Variants in NELL1 observed in about 807,000 individuals in gnomAD.
NELL1 encodes neural EGFL like 1.
NELL1 carries 76 observed loss-of-function variants against 107.4 expected under a neutral mutation model. That is an observed-to-expected ratio of 0.71 (90% CI 0.59 to 0.86). The LOEUF (loss-of-function observed/expected upper bound fraction) is 0.86. NELL1 is among the 40% of genes least tolerant of loss of function. The pLI is 0.00. For synonymous variants in NELL1, 353 were observed against 341.2 expected, an observed-to-expected ratio of 1.03 and a Z score of -0.38; for missense variants, 1,024 against 1,005.5, an observed-to-expected ratio of 1.02 and a Z score of -0.25.
intron 2 of NELL1, among the ~76,000 whole-genome samples, chr11:20,695,005 C>G (rs143768497): frequency 1.1e-3 from 169 of 152,174 alleles, no homozygotes; most frequent in East Asian, 4.1e-3. Context: ...AGAGAGCTTT[C>G]ACCTCCATTG....
intron 14 of NELL1, among the ~76,000 whole-genome samples, chr11:21,237,598 T>C (rs1442367414): frequency 6.6e-6 from 1 of 152,084 alleles, no homozygotes; most frequent in Non-Finnish European, 1.5e-5. Flanking sequence ...ATTGAACAAA[T>C]ATTGATTGTG....
intron 12 of NELL1, among the ~76,000 whole-genome samples, chr11:21,073,229 G>C (rs1854057107): frequency 6.6e-6 from 1 of 152,044 alleles, no homozygotes; most frequent in Non-Finnish European, 1.5e-5. Flanking sequence ...TAACCATCAT[G>C]GGTCATCTTT....
chr11:20,704,804 C>A (rs1854897014), intron 2 of NELL1, among the ~76,000 whole-genome samples: 1 of 151,704 alleles, frequency 6.6e-6, no homozygotes, highest in African/African-American at 2.4e-5. Flanking sequence ...GTTGAAAATT[C>A]TTTAAGAATG....
At chr11:20,966,249 C>CG (rs1851384867) in intron 12 of NELL1, among the ~76,000 whole-genome samples, 2 of 152,094 alleles carry the variant, frequency 1.3e-5, no homozygotes, top group Non-Finnish European at 2.9e-5. Flanking sequence ...GATTCATCAT[C>CG]ACAGGTGAAA....
Position 21,520,121 on chromosome 11 carries a change from T to C in NELL1, c.1646-14253T>C, listed in dbSNP as rs888922600. Among the ~76,000 whole-genome samples, 4 of 152,092 alleles carry C rather than the reference T, an allele frequency of 2.6e-5. No homozygotes were observed. The East Asian group carries it at 7.7e-4, about 29-fold the overall frequency. ...ACGCTGTCAAAGTAGCATGATTTCTTCCGCCAATACATCCATCTCACAATA... is the reference window on the plus strand; with the variant it reads ...ACGCTGTCAAAGTAGCATGATTTCTCCCGCCAATACATCCATCTCACAATA... On this transcript the variant is annotated intron_variant, in intron 15 of 19. Coordinates refer to ENST00000357134, the MANE Select transcript of NELL1 (RefSeq NM_006157.5).
intron 5 of NELL1, among the ~76,000 whole-genome samples, chr11:20,888,389 TTAGA>T (rs578179860): frequency 1.6e-3 from 237 of 151,568 alleles, no homozygotes; most frequent in Non-Finnish European, 2.7e-3. Context: ...AAGTGGCTTC[TTAGA>T]TAGCTGAGAT....
chr11:21,323,870 T>C (rs1189280127), intron 14 of NELL1, among the ~76,000 whole-genome samples: 1 of 152,136 alleles, frequency 6.6e-6, no homozygotes, highest in African/African-American at 2.4e-5. Context: ...CCTCACAGAA[T>C]CAGGGTTGAG....
chr11:21,484,352 A>T (rs947238498), intron 15 of NELL1, among the ~76,000 whole-genome samples: 51 of 151,994 alleles, frequency 3.4e-4, no homozygotes, highest in African/African-American at 1.1e-3. Flanking sequence ...CTTTTTAAAA[A>T]ATATTGACAT....
intron 12 of NELL1, among the ~76,000 whole-genome samples, chr11:21,070,377 TTAATC>T (rs1853981877): frequency 6.6e-6 from 1 of 152,094 alleles, no homozygotes; most frequent in African/African-American, 2.4e-5. Context: ...TGGATGAACT[TTAATC>T]TAGAGTTTTT....
At chr11:20,845,784 T>C (rs2134055133) in intron 3 of NELL1, among the ~76,000 whole-genome samples, 2 of 152,062 alleles carry the variant, frequency 1.3e-5, no homozygotes, top group East Asian at 1.9e-4. Context: ...TTTTTCACCC[T>C]TTTTTTGGGG....
intron 14 of NELL1, among the ~76,000 whole-genome samples, chr11:21,259,678 A>AG (rs1247846994): frequency 2.0e-5 from 3 of 151,942 alleles, no homozygotes; most frequent in African/African-American, 7.2e-5. Flanking sequence ...GAGAAAAAAA[A>AG]GAAGATGCAA....
At chr11:21,421,905 G>A (rs147978406) in intron 15 of NELL1, among the ~76,000 whole-genome samples, 1 of 152,236 alleles carries the variant, frequency 6.6e-6, no homozygotes, top group South Asian at 2.1e-4. Context: ...AGAGAGAAGT[G>A]ACTCATCACA....
At chr11:20,716,234 C>T (rs1490388996) in intron 2 of NELL1, among the ~76,000 whole-genome samples, 1 of 152,224 alleles carries the variant, frequency 6.6e-6, no homozygotes, top group Non-Finnish European at 1.5e-5. Flanking sequence ...GGGACCCAAG[C>T]TCTAGCCTTC....
chr11:20,711,184 A>T (rs1190264270), intron 2 of NELL1, among the ~76,000 whole-genome samples: 2 of 152,056 alleles, frequency 1.3e-5, no homozygotes, highest in Admixed American at 6.6e-5. Context: ...TTCCTCCTAG[A>T]ACCACTTTTG....
At chr11:21,131,534 A>C (rs2133757851) in intron 13 of NELL1, among the ~76,000 whole-genome samples, 1 of 152,320 alleles carries the variant, frequency 6.6e-6, no homozygotes, top group Admixed American at 6.5e-5. Context: ...AGTACCATTA[A>C]GTGCTGACGT....
At position 20,733,419 on chromosome 11, in the gene NELL1, C is replaced by T. The variant is rs547188439; in HGVS notation, c.185-50261C>T. 2.6e-5 allele frequency among the ~76,000 whole-genome samples: 4 copies of T among 152,240 alleles called. No individual in the cohort carries two copies. The South Asian group carries it at 8.3e-4, about 32-fold the overall frequency. On this transcript the variant is annotated intron_variant, in intron 2 of 19. Transcript: ENST00000357134. ...CTGCAAATTCAGAGCATAGTCTGAG[C>T]TCAAGCTGGACCATGCCTAAAGAGA...
chr11:20,894,347 A>G (rs1217192516), intron 5 of NELL1, among the ~76,000 whole-genome samples: 1 of 152,252 alleles, frequency 6.6e-6, no homozygotes, highest in Non-Finnish European at 1.5e-5. Flanking sequence ...AGGCATGTCA[A>G]GGAATAGGAG....
rs76241581 is a variant in NELL1, at chr11:20,869,281, A to G, written c.507-16163A>G. On this transcript the variant is annotated intron_variant, in intron 4 of 19. Coordinates refer to ENST00000357134, the MANE Select transcript of NELL1 (RefSeq NM_006157.5). ...TTTATGATATCTATATAAAGGGAGG[A>G]GGAGAGGTTAAAGAGACTAGGGGAA... Among the ~76,000 whole-genome samples the G allele has an allele frequency of 5.3e-3, 809 of 152,242 alleles. 8 individuals are homozygous for G. Among genetic ancestry groups the G allele is most frequent in the African/African-American group, 0.019 (782 of 41,548 alleles).
intron 12 of NELL1, among the ~76,000 whole-genome samples, chr11:21,016,845 C>A (rs565815198): frequency 1.1e-4 from 17 of 152,214 alleles, no homozygotes; most frequent in Admixed American, 7.9e-4. Flanking sequence ...TTCCCCCTAA[C>A]TTCCCATATC....
Sources: allele counts gnomAD v4.1 joint callset (sites outside exome capture counted in the v4.1 genomes callset), GRCh38; gene constraint gnomAD v4.1.1; transcripts MANE v1.5; gene names NCBI Gene and HGNC (gene_info 2026-07-23, HGNC 2026-07-21).